The following SSBP3 variants were observed in gnomAD, a reference collection of about 807,000 sequenced individuals.
SSBP3 encodes the protein single stranded DNA binding protein 3.
In SSBP3, 5 loss-of-function variants were observed where a neutral mutation model predicts 69.6. That is an observed-to-expected ratio of 0.07 (90% CI 0.04 to 0.15). The LOEUF (loss-of-function observed/expected upper bound fraction) is 0.15. SSBP3 is among the 10% of genes least tolerant of loss of function. SSBP3 has a pLI of 1.00. For missense variants in SSBP3, 312 were observed against 534.0 expected (o/e 0.58, Z 4.10); for synonymous variants, 196 against 193.4 (o/e 1.01, Z -0.11).
chr1:54,266,738 A>C (rs1645108922), intron 5 of SSBP3, among the ~76,000 whole-genome samples: 1 of 151,750 alleles, frequency 6.6e-6, no homozygotes, highest in Non-Finnish European at 1.5e-5. Flanking sequence ...ATCAGAGCCA[A>C]GATGTTATGC....
chr1:54,372,455 A>C (rs559822186), intron 4 of SSBP3, among the ~76,000 whole-genome samples: 6 of 152,174 alleles, frequency 3.9e-5, no homozygotes, highest in African/African-American at 1.4e-4. Context: ...CAGCCCCTAA[A>C]GCAGCCAGCG....
chr1:54,281,422 C>A lies in SSBP3; in HGVS notation c.366+16G>T. ...AATACAAGGTGGAGCACAAGACCCA[C>A]GGGCCCCGCACGTACCTGAAAGAAA... On this transcript the variant is annotated intron_variant, in intron 5 of 17. Coordinates refer to ENST00000610401, the Ensembl canonical transcript of SSBP3. 1 of 1,547,160 alleles carries A rather than the reference C, an allele frequency of 6.5e-7. No individual in the cohort carries two copies. The highest frequency in any genetic ancestry group is 1.2e-5 in the South Asian group (1 of 82,908).
chr1:54,241,953 G>T (rs1295780705), intron 11 of SSBP3, among the ~76,000 whole-genome samples: 1 of 152,182 alleles, frequency 6.6e-6, no homozygotes, highest in Non-Finnish European at 1.5e-5. Flanking sequence ...GGAGTGGGCT[G>T]GCTGGGCAGG....
At chr1:54,304,730 C>A (rs541965280) in intron 4 of SSBP3, among the ~76,000 whole-genome samples, 2 of 152,284 alleles carry the variant, frequency 1.3e-5, no homozygotes, top group East Asian at 3.9e-4. Context: ...ACTGCTGGTG[C>A]AAGGCTGAGG....
rs10686460 is a variant in SSBP3 at position 54,302,318 on chromosome 1, A to ATTT, written c.277-20794_277-20792dup. ...AATGTAGCTCACGACTCTGAGCATA[A>ATTT]TTTTTTTTTTTTTTTTCCTGAGAAG... On this transcript the variant is annotated intron_variant, in intron 4 of 17. Coordinates refer to ENST00000610401, the Ensembl canonical transcript of SSBP3. Among the ~76,000 whole-genome samples, 151 of 144,720 alleles carry ATTT rather than the reference A, an allele frequency of 1.0e-3. 1 individual carries two copies. The highest frequency in any genetic ancestry group is 9.2e-3 in the South Asian group (42 of 4,574). 94.9% of individuals were successfully genotyped at this position (144,720 alleles called of 152,430 possible). A position where few individuals can be genotyped will look rare whatever the true frequency, so the allele number is the denominator to read the frequency against.
At chr1:54,411,215 C>T (rs1199813554), upstream of SSBP3, among the ~76,000 whole-genome samples, 1 of 152,148 alleles carries the variant, frequency 6.6e-6, no homozygotes, top group Non-Finnish European at 1.5e-5. Context: ...CACGGTGGCT[C>T]ACACCTGTAA....
intron 5 of SSBP3, among the ~76,000 whole-genome samples, chr1:54,267,903 T>TA (rs934439196): frequency 1.6e-4 from 24 of 151,584 alleles, no homozygotes; most frequent in African/African-American, 3.4e-4. Flanking sequence ...CTCTCTTTAT[T>TA]AAAAAAAAAT....
At chr1:54,373,476 G>A (rs970445147) in intron 4 of SSBP3, among the ~76,000 whole-genome samples, 1 of 152,152 alleles carries the variant, frequency 6.6e-6, no homozygotes, top group African/African-American at 2.4e-5. Context: ...GAAAAAAACA[G>A]CAACAGGCTG....
At chr1:54,411,048 C>G (rs1226920683), upstream of SSBP3, among the ~76,000 whole-genome samples, 2 of 152,236 alleles carry the variant, frequency 1.3e-5, no homozygotes, top group Non-Finnish European at 1.5e-5. Flanking sequence ...CATACTTCTC[C>G]TGAGCCAATT....
At chr1:54,363,528 G>T (rs959005727) in intron 4 of SSBP3, among the ~76,000 whole-genome samples, 3 of 151,902 alleles carry the variant, frequency 2.0e-5, no homozygotes, top group African/African-American at 4.8e-5. Context: ...TATACTCTAC[G>T]CCCCTTACTC....
At chr1:54,352,699 C>T (rs1409949252) in intron 4 of SSBP3, among the ~76,000 whole-genome samples, 4 of 152,206 alleles carry the variant, frequency 2.6e-5, no homozygotes, top group African/African-American at 7.2e-5. Context: ...GAGCATCTAG[C>T]GTGATCAGCA....
chr1:54,268,826 G>A (rs1050636138), intron 5 of SSBP3, among the ~76,000 whole-genome samples: 3 of 152,224 alleles, frequency 2.0e-5, no homozygotes, highest in Non-Finnish European at 4.4e-5. Context: ...CACACGGGCA[G>A]GTGCAACAAT....
intron 4 of SSBP3, among the ~76,000 whole-genome samples, chr1:54,375,887 C>A (rs1186983396): frequency 6.6e-6 from 1 of 152,160 alleles, no homozygotes; most frequent in African/African-American, 2.4e-5. Context: ...GTGCCATCCG[C>A]TGCCCAGGGG....
intron 4 of SSBP3, among the ~76,000 whole-genome samples, chr1:54,305,743 C>T (rs771826400): frequency 2.7e-4 from 41 of 151,732 alleles, no homozygotes; most frequent in Non-Finnish European, 4.6e-4. Context: ...CAGGAGTGAG[C>T]CACTGCGTCC....
chr1:54,282,233 A>G (rs1645408717), intron 4 of SSBP3, among the ~76,000 whole-genome samples: 1 of 152,192 alleles, frequency 6.6e-6, no homozygotes, highest in South Asian at 2.1e-4. Flanking sequence ...CTACTCTGAG[A>G]AGCTCTTGGC....
At chr1:54,351,948 T>C (rs1646786931) in intron 4 of SSBP3, among the ~76,000 whole-genome samples, 1 of 152,184 alleles carries the variant, frequency 6.6e-6, no homozygotes, top group African/African-American at 2.4e-5. Context: ...AAGAGCAGTG[T>C]GAACTCCAGC....
chr1:54,225,468 A>G (rs1458886455), exon 18 of SSBP3: 1 of 1,195,818 alleles, frequency 8.4e-7, no homozygotes, highest in East Asian at 3.2e-5. Context: ...AAACGTTATC[A>G]ACATATATCG....
chr1:54,361,409 G>A (rs541581266), intron 4 of SSBP3, among the ~76,000 whole-genome samples: 1 of 152,216 alleles, frequency 6.6e-6, no homozygotes, highest in East Asian at 1.9e-4. Flanking sequence ...AAGCAGAAAT[G>A]GGGAAACGTG....
At chr1:54,251,591 G>A (rs1020932633) in intron 9 of SSBP3, 25 bp downstream of exon 9, 16 of 1,549,812 alleles carry the variant, frequency 1.0e-5, no homozygotes, top group Middle Eastern at 1.7e-4. Flanking sequence ...CCAGGGAGAC[G>A]GACGGACAGA....
Sources: gnomAD v4.1 joint callset for allele counts (sites outside exome capture counted in the v4.1 genomes callset) on GRCh38, gnomAD v4.1.1 for gene constraint, MANE v1.5 for transcripts, NCBI Gene and HGNC (gene_info 2026-07-23, HGNC 2026-07-21) for gene names.